Variants in SERPINB12 observed in about 807,000 individuals in gnomAD.
SERPINB12 encodes serpin family B member 12, also known as serpin B12.
SERPINB12 carries 57 observed loss-of-function variants against 41.1 expected under a neutral mutation model. The observed-to-expected ratio is 1.39, with a 90% CI of 1.12 to 1.73. The LOEUF is 1.73. Among genes scored for constraint, SERPINB12 ranks in the 40% most tolerant of loss-of-function variants. SERPINB12 has a pLI of 0.00. For missense variants in SERPINB12, 536 were observed against 501.9 expected (o/e 1.07, Z -0.65); for synonymous variants, 180 against 181.3 (o/e 0.99, Z 0.06).
At chr18:63,547,652 T>TG (rs1192262990) in intron 1 of SERPINB12, among the ~76,000 whole-genome samples, 1 of 152,180 alleles carries the variant, frequency 6.6e-6, no homozygotes, top group African/African-American at 2.4e-5. Flanking sequence ...GTTGTTAGAA[T>TG]GTCTATCTTG....
In SERPINB12 at chr18:63,567,438, C is replaced by T. The variant is rs548215239; in HGVS notation, c.*427C>T. ...AGCTCTGTTTCTGGGGTAGTTTGAC[C>T]GGAACGTGTTTGGAAACTCAGCTCT... On this transcript the variant is annotated 3_prime_UTR_variant, in exon 8 of 8. Transcript: ENST00000382768. Among the ~76,000 whole-genome samples, 5 of 151,942 alleles carry T rather than the reference C, an allele frequency of 3.3e-5. No individual in the cohort carries two copies. The highest frequency in any genetic ancestry group is 2.1e-4 in the South Asian group (1 of 4,804).
In SERPINB12 at chr18:63,564,052, T is replaced by C. The variant is rs1911009559; in HGVS notation, c.637T>C (p.Phe213Leu). 1.2e-6 allele frequency: 2 copies of C among 1,614,184 alleles called. No individual in the cohort carries two copies. The highest frequency in any genetic ancestry group is 1.7e-6 in the Non-Finnish European group (2 of 1,180,018). ...TVLVLVNAVY[F>L]KAKWETYFDH... ...GCTGGTACTGGTGAATGCTGTTTAC[T>C]TCAAGGCCAAATGGGAAACATACTT... Residue 213 changes from phenylalanine (F) to leucine (L), a missense_variant, in exon 6 of 8, where the codon TTC (phenylalanine) becomes CTC (leucine). By Grantham distance (22) the Phe-to-Leu change is conservative. Coordinates refer to ENST00000382768, the MANE Select transcript of SERPINB12 (RefSeq NM_001307928.2).
the SERPINB12 span, among the ~76,000 whole-genome samples, chr18:63,534,654 C>T: frequency 6.6e-6 from 1 of 152,062 alleles, no homozygotes; most frequent in Non-Finnish European, 1.5e-5. Flanking sequence ...TAGGAGAAAC[C>T]GGATCAAGCA....
chr18:63,560,935 G>A (rs867109526), intron 4 of SERPINB12, 150 bp from the exon 5 acceptor site: 2 of 630,560 alleles, frequency 3.2e-6, no homozygotes, highest in Non-Finnish European at 5.7e-6. Context: ...TTAAGACTGG[G>A]GATGGCTAGA....
At position 63,568,944 on chromosome 18, in the gene SERPINB12, C is replaced by T. The variant is rs1368013760; in HGVS notation, c.*1933C>T. Among the ~76,000 whole-genome samples the T allele has an allele frequency of 6.6e-6, 1 of 152,162 alleles. No individual in the cohort carries two copies. The highest frequency in any genetic ancestry group is 1.5e-5 in the Non-Finnish European group (1 of 68,028). On this transcript the variant is annotated 3_prime_UTR_variant, in exon 8 of 8. Transcript: ENST00000382768. ...AGTGCCCTATCCAGAATGCATGTCC[C>T]ATGGGTCAAATTAATTTCAGATAAC... is the stretch of plus-strand genomic sequence containing the variant.
chr18:63,525,277 C>T, the SERPINB12 span, among the ~76,000 whole-genome samples: 2 of 152,056 alleles, frequency 1.3e-5, no homozygotes, highest in African/African-American at 4.8e-5. Context: ...ATCGAAAATA[C>T]ATCTTAGCTT....
At chr18:63,531,289 C>T in the SERPINB12 span, among the ~76,000 whole-genome samples, 1 of 152,154 alleles carries the variant, frequency 6.6e-6, no homozygotes, top group Non-Finnish European at 1.5e-5. Context: ...TTGTAGTCAA[C>T]ATTTGGATTA....
the SERPINB12 span, among the ~76,000 whole-genome samples, chr18:63,530,719 C>T: frequency 6.6e-6 from 1 of 152,144 alleles, no homozygotes; most frequent in Admixed American, 6.5e-5. Context: ...TGCTCACACA[C>T]TCAGGCCCTC....
At chr18:63,545,441 T>G (rs924209053) in intron 1 of SERPINB12, among the ~76,000 whole-genome samples, 11 of 152,308 alleles carry the variant, frequency 7.2e-5, no homozygotes, top group African/African-American at 2.6e-4. Flanking sequence ...TTTATCAAGC[T>G]ACCTTAATGT....
upstream of SERPINB12, among the ~76,000 whole-genome samples, chr18:63,539,186 A>G (rs574465542): frequency 6.6e-6 from 1 of 152,264 alleles, no homozygotes; most frequent in Admixed American, 6.5e-5. Context: ...GGTCTCCAGT[A>G]GCTATCACTG....
rs1368869511 is a variant in SERPINB12 at position 63,567,644 on chromosome 18, A to G, written c.*633A>G. Among the ~76,000 whole-genome samples, 5 of 152,228 alleles carry G rather than the reference A, an allele frequency of 3.3e-5. No homozygotes were observed. Among genetic ancestry groups the G allele is most frequent in the Non-Finnish European group, 7.3e-5 (5 of 68,030 alleles). The stretch of plus-strand genomic sequence containing the variant: ...GCCCCAACCAGCACTCATTTTGCAC[A>G]GAGCAGGGGAATGATATTTGTCTTG... On this transcript the variant is annotated 3_prime_UTR_variant, in exon 8 of 8. Coordinates refer to ENST00000382768, the MANE Select transcript of SERPINB12 (RefSeq NM_001307928.2).
intron 5 of SERPINB12, among the ~76,000 whole-genome samples, chr18:63,563,740 T>TA (rs1172742899): frequency 6.6e-6 from 1 of 151,590 alleles, no homozygotes; most frequent in African/African-American, 2.4e-5. Context: ...CTACTGAAAA[T>TA]AAAAAATTAG....
the SERPINB12 span, among the ~76,000 whole-genome samples, chr18:63,535,143 C>T: frequency 6.6e-6 from 1 of 151,992 alleles, no homozygotes; most frequent in South Asian, 2.1e-4. Flanking sequence ...ACTTTTAAAA[C>T]ATTATGGTAG....
At chr18:63,525,174 C>A in the SERPINB12 span, among the ~76,000 whole-genome samples, 1 of 151,936 alleles carries the variant, frequency 6.6e-6, no homozygotes, top group African/African-American at 2.4e-5. Context: ...TTTCTATTTC[C>A]TTTCTAAGTC....
In SERPINB12 at chr18:63,567,060, A is replaced by G. The variant is rs781479776; in HGVS notation, c.*49A>G. The G allele has an allele frequency of 6.7e-7, 1 of 1,499,634 alleles. No individual in the cohort carries two copies. Among genetic ancestry groups the G allele is most frequent in the Non-Finnish European group, 8.9e-7 (1 of 1,121,032 alleles). 92.9% of individuals were successfully genotyped at this position (1,499,634 alleles called of 1,614,324 possible). ...TGGAGCTGGAGGAAAATATCAATAC[A>G]ATCTTCCCCTGGCATAAGATGGGCA... is the stretch of plus-strand genomic sequence containing the variant. On this transcript the variant is annotated 3_prime_UTR_variant, in exon 8 of 8. Transcript: ENST00000382768.
At chr18:63,563,127 C>T (rs1910968945) in intron 5 of SERPINB12, among the ~76,000 whole-genome samples, 2 of 152,116 alleles carry the variant, frequency 1.3e-5, no homozygotes, top group South Asian at 4.2e-4. Flanking sequence ...AATGATACCT[C>T]CTTATCGTGG....
At chr18:63,528,301 T>C in the SERPINB12 span, among the ~76,000 whole-genome samples, 7 of 152,020 alleles carry the variant, frequency 4.6e-5, no homozygotes, top group Non-Finnish European at 7.4e-5. Flanking sequence ...GAATGGACCA[T>C]AAATTTTGAA....
At chr18:63,555,710 G>C (rs910015592) in intron 1 of SERPINB12, among the ~76,000 whole-genome samples, 15 of 152,086 alleles carry the variant, frequency 9.9e-5, no homozygotes, top group African/African-American at 3.6e-4. Flanking sequence ...GCAGAGACTT[G>C]AGTGATTTGT....
Position 63,556,207 on chromosome 18 carries a change from T to C in SERPINB12, c.48T>C (p.Phe16=), listed in dbSNP as rs35344099. ...TANTKFCFDL[F]QEIGKDDRHK... is the part of the protein sequence containing the mutation. ...ACACCAAATTTTGCTTTGATCTTTT[T>C]CAAGAGATAGGCAAAGATGATCGTC... Residue 16 remains phenylalanine (F), a synonymous_variant, in exon 2 of 8, where the codon TTT becomes TTC. Coordinates refer to ENST00000382768, the MANE Select transcript of SERPINB12 (RefSeq NM_001307928.2). 1 of 1,614,080 alleles carries C rather than the reference T, an allele frequency of 6.2e-7. No homozygotes were observed. The highest frequency in any genetic ancestry group is 1.3e-5 in the African/African-American group (1 of 75,042).
Sources: gnomAD v4.1 joint callset for allele counts (sites outside exome capture counted in the v4.1 genomes callset) on GRCh38, gnomAD v4.1.1 for gene constraint, MANE v1.5 for transcripts, NCBI Gene and HGNC (gene_info 2026-07-23, HGNC 2026-07-21) for gene names.